Variants in NBAS observed in about 807,000 individuals in gnomAD.
NBAS encodes NAG/BC035112 fusion.
Under a neutral mutation model 302.5 loss-of-function variants are expected in NBAS, and 219 were observed. The ratio of observed to expected loss-of-function variants is 0.72; its 90% CI spans 0.65 to 0.81. The LOEUF is 0.81. Among genes scored for constraint, NBAS ranks in the 30% least tolerant of loss-of-function variants. The probability of loss-of-function intolerance (pLI) is 0.00; values close to 1 mark genes in which losing one functional copy is unlikely to be tolerated. For missense variants in NBAS, 2,932 were observed against 2,841.6 expected, an observed-to-expected ratio of 1.03 and a Z score of -0.72; for synonymous variants, 1,118 against 1,021.6, an observed-to-expected ratio of 1.09 and a Z score of -1.80.
At chr2:15,331,127 GTATT>G (rs1029684484) in intron 35 of NBAS, among the ~76,000 whole-genome samples, 1 of 152,150 alleles carries the variant, frequency 6.6e-6, no homozygotes, top group Admixed American at 6.5e-5. Context: ...ACATTTTGAA[GTATT>G]TATTATTTAA....
chr2:15,399,298 G>A (rs1676030775), intron 26 of NBAS, among the ~76,000 whole-genome samples: 1 of 152,146 alleles, frequency 6.6e-6, no homozygotes, highest in East Asian at 1.9e-4. Flanking sequence ...CAGCAAGGAA[G>A]AAACTCCCTG....
intron 35 of NBAS, among the ~76,000 whole-genome samples, chr2:15,349,035 CCAAA>C (rs1289718017): frequency 1.3e-5 from 2 of 152,142 alleles, no homozygotes; most frequent in Non-Finnish European, 2.9e-5. Context: ...GAAGTGTCCT[CCAAA>C]CAGAGAGAAA....
At chr2:15,225,695 AGT>A (rs945068149) in intron 47 of NBAS, among the ~76,000 whole-genome samples, 12 of 152,186 alleles carry the variant, frequency 7.9e-5, no homozygotes, top group African/African-American at 2.9e-4. Flanking sequence ...AAAACTCAAT[AGT>A]TTTGAAGTAA....
the NBAS span, among the ~76,000 whole-genome samples, chr2:14,849,604 G>C: frequency 2.0e-3 from 290 of 146,378 alleles, 1 homozygote; most frequent in African/African-American, 4.7e-3. Context: ...TCCTCGAGAA[G>C]AGCAACTCCA....
the NBAS span, among the ~76,000 whole-genome samples, chr2:14,809,890 GC>G: frequency 1.3e-5 from 2 of 152,192 alleles, no homozygotes; most frequent in South Asian, 4.1e-4. Context: ...TATTGCATCG[GC>G]GTGACCTGGA....
chr2:15,034,891 CA>C, the NBAS span, among the ~76,000 whole-genome samples: 1 of 152,090 alleles, frequency 6.6e-6, no homozygotes, highest in Non-Finnish European at 1.5e-5. Context: ...TGTCCATAGA[CA>C]CATACAAACA....
the NBAS span, among the ~76,000 whole-genome samples, chr2:14,961,368 T>C: frequency 6.6e-6 from 1 of 152,294 alleles, no homozygotes; most frequent in African/African-American, 2.4e-5. Context: ...ATGAATGGCT[T>C]GGTGCCACAC....
chr2:15,042,898 G>A, the NBAS span, among the ~76,000 whole-genome samples: 1 of 152,322 alleles, frequency 6.6e-6, no homozygotes, highest in East Asian at 1.9e-4. Context: ...TCGGTCTGAT[G>A]CAATGACTTT....
intron 14 of NBAS, 50 bp from the exon 15 acceptor site, chr2:15,474,374 C>A (rs769155142): frequency 6.7e-7 from 1 of 1,502,432 alleles, no homozygotes; most frequent in Non-Finnish European, 9.0e-7. Flanking sequence ...ATAAGAATAA[C>A]TTTTTAGAAT....
intron 33 of NBAS, among the ~76,000 whole-genome samples, chr2:15,355,380 G>T (rs962967036): frequency 3.3e-5 from 5 of 152,132 alleles, no homozygotes; most frequent in African/African-American, 1.2e-4. Flanking sequence ...TGTTCTTTAC[G>T]TGAGAAATTA....
At chr2:15,057,399 T>C in the NBAS span, among the ~76,000 whole-genome samples, 9 of 152,070 alleles carry the variant, frequency 5.9e-5, no homozygotes, top group African/African-American at 2.2e-4. Context: ...ATACCTTTTT[T>C]TTTTAAGTTC....
chr2:14,991,259 A>C, the NBAS span, among the ~76,000 whole-genome samples: 1 of 147,120 alleles, frequency 6.8e-6, no homozygotes, highest in Non-Finnish European at 1.5e-5. Flanking sequence ...GCAGGGAAAA[A>C]TAATTAAATT....
At chr2:15,273,696 A>G (rs973594843) in intron 44 of NBAS, among the ~76,000 whole-genome samples, 1 of 152,156 alleles carries the variant, frequency 6.6e-6, no homozygotes, top group Non-Finnish European at 1.5e-5. Flanking sequence ...CACACAGCTG[A>G]TAAGTGATAG....
chr2:15,138,456 T>C, the NBAS span, among the ~76,000 whole-genome samples: 3 of 152,110 alleles, frequency 2.0e-5, no homozygotes, highest in Non-Finnish European at 4.4e-5. Flanking sequence ...ATCACAATGG[T>C]TATGACTCAC....
the NBAS span, among the ~76,000 whole-genome samples, chr2:15,080,993 G>A: frequency 2.2e-4 from 34 of 152,110 alleles, no homozygotes; most frequent in East Asian, 3.9e-3. Flanking sequence ...ATTTACAGCC[G>A]CTTTTCAACC....
the NBAS span, among the ~76,000 whole-genome samples, chr2:14,845,305 A>T: frequency 6.6e-6 from 1 of 152,192 alleles, no homozygotes; most frequent in African/African-American, 2.4e-5. Context: ...CAAGACCATC[A>T]AGGTGGTACC....
chr2:14,834,024 TC>T, the NBAS span, among the ~76,000 whole-genome samples: 1 of 152,168 alleles, frequency 6.6e-6, no homozygotes, highest in East Asian at 1.9e-4. Context: ...AAATCAATAA[TC>T]AAGTCACCAA....
intron 25 of NBAS, among the ~76,000 whole-genome samples, chr2:15,408,372 C>T (rs1356783100): frequency 2.0e-5 from 3 of 152,152 alleles, no homozygotes; most frequent in Admixed American, 2.0e-4. Flanking sequence ...GCTTTTAATA[C>T]TTCCCATACT....
chr2:14,792,619 T>G, the NBAS span, among the ~76,000 whole-genome samples: 1 of 151,460 alleles, frequency 6.6e-6, no homozygotes. Context: ...GGGGACAAAA[T>G]CCCACATGTT....
Sources: allele counts gnomAD v4.1 joint callset (sites outside exome capture counted in the v4.1 genomes callset), GRCh38; gene constraint gnomAD v4.1.1; transcripts MANE v1.5; gene names NCBI Gene and HGNC (gene_info 2026-07-23, HGNC 2026-07-21).